The following ERICH6 variants were observed in gnomAD, a reference collection of about 807,000 sequenced individuals.
ERICH6 encodes glutamate-rich protein 6.
A neutral mutation model predicts 71.0 loss-of-function variants in ERICH6; 71 were observed. The observed-to-expected ratio is 1.00, with a 90% confidence interval of 0.83 to 1.22. The LOEUF is 1.22. Among genes scored for constraint, ERICH6 ranks in the 50% most tolerant of loss-of-function variants. The pLI is 0.00. For synonymous variants in ERICH6, 262 were observed against 278.4 expected, an observed-to-expected ratio of 0.94 and a Z score of 0.59; for missense variants, 808 against 797.2, an observed-to-expected ratio of 1.01 and a Z score of -0.16.
At chr3:150,673,129 TCTTC>T (rs141335993) in intron 11 of ERICH6, among the ~76,000 whole-genome samples, 5,399 of 149,144 alleles carry the variant, frequency 0.036, 194 homozygotes, top group African/African-American at 0.087. Context: ...CTTCCTTCCT[TCTTC>T]CTTCCTTCCT....
intron 3 of ERICH6, among the ~76,000 whole-genome samples, chr3:150,695,741 A>G (rs1712633654): frequency 6.6e-6 from 1 of 151,374 alleles, no homozygotes; most frequent in Non-Finnish European, 1.5e-5. Context: ...GCATAGACTA[A>G]TAAGAACTTT....
In ERICH6 at chr3:150,660,174, G is replaced by C; in HGVS notation, c.1729-19C>G. Reference sequence around the variant, plus strand: ...TTGGTAGCTTTTCAGCAAAGAGAAAGAGAAGGAAACTCAGAGTCCAGAAGT... The same window carrying C: ...TTGGTAGCTTTTCAGCAAAGAGAAACAGAAGGAAACTCAGAGTCCAGAAGT... On this transcript the variant is annotated intron_variant, in intron 13 of 13. Coordinates refer to ENST00000295910, the MANE Select transcript of ERICH6 (RefSeq NM_152394.5). The C allele has an allele frequency of 6.2e-7, 1 of 1,606,048 alleles. No homozygotes were observed. The highest frequency in any genetic ancestry group is 8.5e-7 in the Non-Finnish European group (1 of 1,175,418).
At chr3:150,698,573 T>A (rs1198610649) in intron 3 of ERICH6, among the ~76,000 whole-genome samples, 1 of 152,248 alleles carries the variant, frequency 6.6e-6, no homozygotes, top group Non-Finnish European at 1.5e-5. Flanking sequence ...AAATATTTAA[T>A]CTTATTTTGA....
chr3:150,665,059 G>A (rs77247829), intron 13 of ERICH6, among the ~76,000 whole-genome samples: 3,265 of 152,098 alleles, frequency 0.021, 129 homozygotes, highest in African/African-American at 0.075. Context: ...TATATTTTGT[G>A]TAAGAATGTA....
chr3:150,701,064 A>G (rs1316928917), intron 2 of ERICH6, among the ~76,000 whole-genome samples: 1 of 152,196 alleles, frequency 6.6e-6, no homozygotes, highest in Non-Finnish European at 1.5e-5. Context: ...CAAGCATAAT[A>G]AAGCTTGGAA....
chr3:150,690,273 G>A (rs868233876), intron 3 of ERICH6, among the ~76,000 whole-genome samples: 7 of 152,040 alleles, frequency 4.6e-5, no homozygotes, highest in Middle Eastern at 3.4e-3. Context: ...CTCTCCACAC[G>A]TTATGATATA....
chr3:150,678,232 C>G (rs1168432203), intron 10 of ERICH6, among the ~76,000 whole-genome samples, 177 bp downstream of exon 10: 2 of 152,152 alleles, frequency 1.3e-5, no homozygotes, highest in Admixed American at 6.5e-5. Flanking sequence ...CAGCCTTTAA[C>G]CCAAACATAT....
At position 150,678,354 on chromosome 3, in the gene ERICH6, T is replaced by C; in HGVS notation, c.1257+55A>G. ...AGCTTCATGAAAGACTTTATAATTT[T>C]AGGTAAAACTGGTTTTTTTTAAAAT... is the stretch of plus-strand genomic sequence containing the variant. On this transcript the variant is annotated intron_variant, in intron 10 of 13. Transcript: ENST00000295910. 6 of 1,499,474 alleles carry C rather than the reference T, an allele frequency of 4.0e-6. No individual in the cohort carries two copies. The South Asian group carries it at 5.5e-5, about 14-fold the overall frequency. The allele number at this position is 1,499,474 out of a possible 1,614,324, so 92.9% of individuals were successfully genotyped here.
chr3:150,672,745 CCAGA>C (rs1000589781), intron 11 of ERICH6, among the ~76,000 whole-genome samples: 3 of 151,410 alleles, frequency 2.0e-5, no homozygotes, highest in Admixed American at 1.3e-4. Flanking sequence ...TAAATGCTGG[CCAGA>C]CACAGTGGCT....
rs1727443768 is a variant in ERICH6 at position 150,666,991 on chromosome 3, A to G, written c.1524T>C (p.Gly508=). ...TGTTGCCGGCTTGATCTGAATATTG[A>G]CCTCCCAAGATATTGATGTATACCC... is the stretch of plus-strand genomic sequence containing the variant. ...NVWVYINILG[G]QYSDQAGNRI... Residue 508 remains glycine (G), a synonymous_variant, in exon 13 of 14, where the codon GGT becomes GGC. Transcript: ENST00000295910. 6.2e-7 allele frequency: 1 copy of G among 1,613,912 alleles called. No individual in the cohort carries two copies. The highest frequency in any genetic ancestry group is 1.1e-5 in the South Asian group (1 of 91,070).
intron 1 of ERICH6, 131 bp downstream of exon 1, chr3:150,703,365 G>A: frequency 1.4e-6 from 2 of 1,429,514 alleles, no homozygotes; most frequent in East Asian, 2.5e-5. Context: ...GATTAGGTGT[G>A]TGGAATGGTG....
chr3:150,663,300 A>G (rs956984038), intron 13 of ERICH6, among the ~76,000 whole-genome samples: 4 of 152,214 alleles, frequency 2.6e-5, no homozygotes, highest in African/African-American at 9.6e-5. Context: ...GGTAGAGTTT[A>G]CAGATGAGTT....
chr3:150,686,580 T>C (rs1009477306), intron 3 of ERICH6, among the ~76,000 whole-genome samples: 1 of 152,194 alleles, frequency 6.6e-6, no homozygotes. Context: ...TCCTTTCTAG[T>C]CCTAGAATAC....
At chr3:150,699,982 G>A (rs547732440) in intron 2 of ERICH6, among the ~76,000 whole-genome samples, 18 of 152,236 alleles carry the variant, frequency 1.2e-4, no homozygotes, top group African/African-American at 4.3e-4. Flanking sequence ...GAAAAGGGGA[G>A]GAAGTAATTA....
At position 150,677,977 on chromosome 3, in the gene ERICH6, A is replaced by G. The variant is rs140754735; in HGVS notation, c.1257+432T>C. Among the ~76,000 whole-genome samples, 12 of 152,334 alleles carry G rather than the reference A, an allele frequency of 7.9e-5. No homozygotes were observed. The East Asian group carries it at 2.3e-3, about 29-fold the overall frequency. ...CTGCAGTACAGTAGCCATTAGTTAC[A>G]TGTAGCTGTCTAGGACTTGTGGAAT... On this transcript the variant is annotated intron_variant, in intron 10 of 13. Transcript: ENST00000295910.
chr3:150,703,894 G>T lies in ERICH6; in HGVS notation c.5C>A (p.Ala2Asp). 6.2e-7 allele frequency: 1 copy of T among 1,613,776 alleles called. No homozygotes were observed. The highest frequency in any genetic ancestry group is 8.5e-7 in the Non-Finnish European group (1 of 1,179,828). Residue 2 changes from alanine (A) to aspartate (D), a missense_variant, in exon 1 of 14, where the codon GCC (alanine) becomes GAC (aspartate). By Grantham distance (126) the Ala-to-Asp change is moderately radical (BLOSUM62 -2). Transcript: ENST00000295910. Reference sequence around the variant, plus strand: ...GAAGCCGCTAGGCGAGCGCAAGTGGGCCATGGCTGGCGGGAGGCGGGATTA... The same window carrying T: ...GAAGCCGCTAGGCGAGCGCAAGTGGTCCATGGCTGGCGGGAGGCGGGATTA... M[A>D]HLRSPSGFGD...
At chr3:150,684,240 A>T (rs1046261351) in intron 6 of ERICH6, among the ~76,000 whole-genome samples, 1 of 152,218 alleles carries the variant, frequency 6.6e-6, no homozygotes, top group Non-Finnish European at 1.5e-5. Context: ...AAATAAAAAA[A>T]CAAAAGAATT....
chr3:150,685,944 T>G, intron 5 of ERICH6, 22 bp downstream of exon 5: 1 of 1,599,984 alleles, frequency 6.3e-7, no homozygotes, highest in South Asian at 1.1e-5. Context: ...GTGTACTAGT[T>G]AGTATGATAA....
At chr3:150,660,934 T>C (rs1396965809) in intron 13 of ERICH6, among the ~76,000 whole-genome samples, 1 of 152,184 alleles carries the variant, frequency 6.6e-6, no homozygotes, top group East Asian at 1.9e-4. Context: ...AAGGAAGGAA[T>C]AGAGGAAGGA....
Sources: gnomAD v4.1 joint callset for allele counts (sites outside exome capture counted in the v4.1 genomes callset) on GRCh38, gnomAD v4.1.1 for gene constraint, MANE v1.5 for transcripts, NCBI Gene and HGNC (gene_info 2026-07-23, HGNC 2026-07-21) for gene names.